Variants in SYTL5 observed in about 807,000 individuals in gnomAD.
The protein encoded by SYTL5 is synaptotagmin like 5, also known as synaptotagmin-like protein 5.
Under a neutral mutation model 55.9 loss-of-function variants are expected in SYTL5, and 34 were observed. That is an observed-to-expected ratio of 0.61 (90% CI 0.46 to 0.81). SYTL5 has a LOEUF of 0.81. Among genes scored for constraint, SYTL5 ranks in the 30% least tolerant of loss-of-function variants. The pLI, the probability that SYTL5 is intolerant of heterozygous loss-of-function variation, is 0.00. For synonymous variants in SYTL5, 221 were observed against 188.7 expected (o/e 1.17, Z -1.40); for missense variants, 637 against 546.7 (o/e 1.17, Z -1.65).
chrX:38,023,501 TTTA>T (rs745496193), intron 1 of SYTL5, among the ~76,000 whole-genome samples: 65 of 112,271 alleles, frequency 5.8e-4, no homozygotes, highest in African/African-American at 2.0e-3. Flanking sequence ...TCCTGTGCCT[TTTA>T]TTATGCATTT....
the SYTL5 span, among the ~76,000 whole-genome samples, chrX:37,958,860 G>A: frequency 0.36 from 40,259 of 111,316 alleles, 5,201 homozygotes; most frequent in East Asian, 0.6. Context: ...GTCTTAGCAC[G>A]TCAAAACCCC....
At chrX:37,918,103 A>G in the SYTL5 span, among the ~76,000 whole-genome samples, 2 of 111,409 alleles carry the variant, frequency 1.8e-5, no homozygotes, top group East Asian at 2.8e-4. Flanking sequence ...TATGGCCCCA[A>G]TTGTCTCCAT....
At chrX:38,010,972 A>T (rs758184538) in intron 1 of SYTL5, among the ~76,000 whole-genome samples, 10 of 111,731 alleles carry the variant, frequency 9.0e-5, no homozygotes, top group African/African-American at 2.9e-4. Context: ...TAAACTGAGG[A>T]TCATAGAGGT....
the SYTL5 span, among the ~76,000 whole-genome samples, chrX:37,938,110 G>A: frequency 8.9e-6 from 1 of 112,173 alleles, no homozygotes; most frequent in Non-Finnish European, 1.9e-5. Context: ...ATGATAAGAT[G>A]TATTTTCACT....
At chrX:38,038,975 A>G (rs750225592) in intron 2 of SYTL5, among the ~76,000 whole-genome samples, 1 of 111,910 alleles carries the variant, frequency 8.9e-6, no homozygotes, top group East Asian at 2.8e-4. Flanking sequence ...TGTGCTTCAC[A>G]GTCCACATAC....
intron 3 of SYTL5, among the ~76,000 whole-genome samples, chrX:38,067,954 A>T (rs1487286024): frequency 2.7e-5 from 3 of 112,206 alleles, no homozygotes; most frequent in Non-Finnish European, 5.6e-5. Flanking sequence ...TAATTAATCT[A>T]AAAAATTTTA....
chrX:38,125,625 A>G, intron 16 of SYTL5, 119 bp downstream of exon 16: 1 of 509,914 alleles, frequency 2.0e-6, no homozygotes, highest in East Asian at 3.4e-5. Flanking sequence ...TCCTGAAATT[A>G]CCACAAATAC....
the SYTL5 span, among the ~76,000 whole-genome samples, chrX:37,928,047 AT>A: frequency 1.8e-5 from 2 of 112,154 alleles, no homozygotes; most frequent in African/African-American, 6.5e-5. Flanking sequence ...GGAAAAGAAA[AT>A]TTGATTTTAT....
chrX:38,067,624 C>A (rs1936135358), intron 3 of SYTL5, among the ~76,000 whole-genome samples: 1 of 111,619 alleles, frequency 9.0e-6, no homozygotes, highest in Admixed American at 9.6e-5. Flanking sequence ...CAGCCAAAGA[C>A]AACACATAAA....
chrX:37,959,310 C>T, the SYTL5 span, among the ~76,000 whole-genome samples: 1 of 111,878 alleles, frequency 8.9e-6, no homozygotes, highest in African/African-American at 3.3e-5. Context: ...ACTGTCCGAC[C>T]ACCTGCACAC....
the SYTL5 span, among the ~76,000 whole-genome samples, chrX:37,979,644 A>C: frequency 1.9e-5 from 2 of 104,737 alleles, no homozygotes; most frequent in African/African-American, 7.0e-5. Flanking sequence ...GGAAGATCTC[A>C]CTCTGCAAGT....
chrX:38,109,732 G>C (rs1239611415), intron 12 of SYTL5, among the ~76,000 whole-genome samples: 4 of 108,823 alleles, frequency 3.7e-5, no homozygotes, highest in Non-Finnish European at 7.6e-5. Flanking sequence ...CAGAAGGCTG[G>C]AGGGTGTGTG....
chrX:38,037,118 C>A (rs1027343620), intron 2 of SYTL5, among the ~76,000 whole-genome samples: 1 of 111,827 alleles, frequency 8.9e-6, no homozygotes, highest in Non-Finnish European at 1.9e-5. Flanking sequence ...TAAAGAGACA[C>A]AAGTGCCAGG....
the SYTL5 span, among the ~76,000 whole-genome samples, chrX:37,921,458 A>G: frequency 9.0e-6 from 1 of 111,673 alleles, no homozygotes. Flanking sequence ...TGGAAGAAAC[A>G]AATGATTAGG....
the SYTL5 span, among the ~76,000 whole-genome samples, chrX:37,898,303 G>C: frequency 6.4e-4 from 71 of 111,558 alleles, 1 homozygote; most frequent in South Asian, 0.026. Flanking sequence ...GGGGTATTAG[G>C]TTTCAACATA....
intron 1 of SYTL5, among the ~76,000 whole-genome samples, chrX:38,031,338 G>C: frequency 9.0e-6 from 1 of 111,323 alleles, no homozygotes; most frequent in East Asian, 2.8e-4. Context: ...AACTCTCACA[G>C]GGCAATTTTA....
intron 6 of SYTL5, among the ~76,000 whole-genome samples, chrX:38,086,493 C>G (rs1036073144): frequency 8.9e-6 from 1 of 111,992 alleles, no homozygotes; most frequent in African/African-American, 3.2e-5. Flanking sequence ...GTGACATATC[C>G]CCACATTTGG....
At chrX:38,111,061 A>G (rs1937346574) in intron 13 of SYTL5, among the ~76,000 whole-genome samples, 1 of 112,239 alleles carries the variant, frequency 8.9e-6, no homozygotes, top group African/African-American at 3.2e-5. Flanking sequence ...GACCAACAGT[A>G]CCTTGGATTC....
chrX:38,096,119 C>T lies in SYTL5; in HGVS notation c.962-15C>T, dbSNP rs1312957091. ...AGGCTGACTCACGTCTTTCTTTTTC[C>T]TTTCCACCTTCCAGATCAGAGTCGA... On this transcript the variant is annotated splice_polypyrimidine_tract_variant and intron_variant, in intron 8 of 16. Transcript: ENST00000297875. 1 of 1,052,869 alleles carries T rather than the reference C, an allele frequency of 9.5e-7. No individual in the cohort carries two copies. Among genetic ancestry groups the T allele is most frequent in the Non-Finnish European group, 1.3e-6 (1 of 774,351 alleles). The allele number at this position is 1,052,869 out of a possible 1,213,427, so 86.8% of individuals were successfully genotyped here.
Sources: allele counts gnomAD v4.1 joint callset (sites outside exome capture counted in the v4.1 genomes callset), GRCh38; gene constraint gnomAD v4.1.1; transcripts MANE v1.5; gene names NCBI Gene and HGNC (gene_info 2026-07-23, HGNC 2026-07-21).